SAMD3: variants seen among roughly 807,000 people sequenced by gnomAD.
SAMD3 encodes sterile alpha motif domain-containing protein 3.
A neutral mutation model predicts 58.5 loss-of-function variants in SAMD3; 63 were observed. The ratio of observed to expected loss-of-function variants is 1.08; its 90% confidence interval spans 0.88 to 1.33. SAMD3 has a LOEUF of 1.33. Among genes scored for constraint, SAMD3 ranks in the 40% most tolerant of loss-of-function variants. The probability of loss-of-function intolerance (pLI) is 0.00; values close to 1 mark genes in which losing one functional copy is unlikely to be tolerated. For missense variants in SAMD3, 604 were observed against 608.4 expected, an observed-to-expected ratio of 0.99 and a Z score of 0.08; for synonymous variants, 220 against 210.3, an observed-to-expected ratio of 1.05 and a Z score of -0.40.
intron 2 of SAMD3, among the ~76,000 whole-genome samples, chr6:130,232,787 A>G (rs927422786): frequency 1.3e-5 from 2 of 152,190 alleles, no homozygotes; most frequent in African/African-American, 4.8e-5. Context: ...CTCCTTTATT[A>G]TTTCTTTTAC....
intron 1 of SAMD3, among the ~76,000 whole-genome samples, chr6:130,313,379 A>G (rs1464931107): frequency 8.5e-5 from 13 of 152,142 alleles, no homozygotes; most frequent in Admixed American, 7.2e-4. Flanking sequence ...CGATCCATAC[A>G]CCAGGTGTGT....
intron 8 of SAMD3, chr6:130,162,132 G>A (rs190128840): frequency 6.8e-5 from 42 of 620,646 alleles, no homozygotes; most frequent in East Asian, 1.4e-4. Context: ...TATAAAGAGC[G>A]TATGCTATGC....
rs777618320 is a variant in SAMD3 at position 130,209,573 on chromosome 6, T to A, written c.305A>T (p.His102Leu). 1 of 1,613,876 alleles carries A rather than the reference T, an allele frequency of 6.2e-7. No individual in the cohort carries two copies. The highest frequency in any genetic ancestry group is 8.5e-7 in the Non-Finnish European group (1 of 1,179,742). The change falls in exon 5 of 12, where the codon CAT becomes CTT. Residue 102 changes from histidine to leucine, a missense_variant. By Grantham distance (99) the His-to-Leu change is moderately conservative. Transcript: ENST00000439090. ...RDEESSSPARHGEQMPSFYPA... is the reference protein window; with the variant it reads ...RDEESSSPARLGEQMPSFYPA... ...ATAGAAAGATGGCATCTGCTCCCCA[T>A]GCCTGGCTGGACTGGAGGACTCTTC...
intron 2 of SAMD3, among the ~76,000 whole-genome samples, chr6:130,289,968 GC>G (rs140741988): frequency 0.28 from 42,190 of 151,904 alleles, 6,280 homozygotes; most frequent in East Asian, 0.45. Flanking sequence ...ACGTACTAGA[GC>G]TTTGATTTGG....
At chr6:130,212,578 A>G (rs2114838275) in intron 4 of SAMD3, among the ~76,000 whole-genome samples, 1 of 152,368 alleles carries the variant, frequency 6.6e-6, no homozygotes, top group East Asian at 1.9e-4. Context: ...GTACCATATT[A>G]CTTTTCACAA....
intron 8 of SAMD3, among the ~76,000 whole-genome samples, chr6:130,168,022 G>A (rs1790877422): frequency 6.6e-6 from 1 of 152,166 alleles, no homozygotes; most frequent in African/African-American, 2.4e-5. Context: ...GAGCAAAAAT[G>A]GCAAAGAGAA....
At chr6:130,356,402 C>T (rs1777829220) in intron 1 of SAMD3, among the ~76,000 whole-genome samples, 1 of 152,210 alleles carries the variant, frequency 6.6e-6, no homozygotes, top group African/African-American at 2.4e-5. Flanking sequence ...TCAAATATTA[C>T]ATCCTAAAGA....
intron 2 of SAMD3, among the ~76,000 whole-genome samples, chr6:130,273,220 A>T (rs970045393): frequency 2.0e-5 from 3 of 152,072 alleles, no homozygotes; most frequent in African/African-American, 7.2e-5. Context: ...TATTATTGTT[A>T]TATCTTCCTG....
chr6:130,201,714 T>C (rs1390870284), intron 5 of SAMD3, among the ~76,000 whole-genome samples: 2 of 152,220 alleles, frequency 1.3e-5, no homozygotes, highest in East Asian at 1.9e-4. Flanking sequence ...GAATCCTCCA[T>C]GCTATTTCAG....
At chr6:130,234,287 C>G (rs1796623330) in intron 2 of SAMD3, among the ~76,000 whole-genome samples, 1 of 152,038 alleles carries the variant, frequency 6.6e-6, no homozygotes, top group African/African-American at 2.4e-5. Context: ...CGGTGTTTCA[C>G]TCTTGTTGCC....
intron 5 of SAMD3, among the ~76,000 whole-genome samples, chr6:130,193,167 A>G (rs1793712284): frequency 6.6e-6 from 1 of 152,034 alleles, no homozygotes. Context: ...CTTTAGCAGG[A>G]AGTCCCACTT....
chr6:130,283,852 A>AT, intron 2 of SAMD3, among the ~76,000 whole-genome samples: 1 of 152,144 alleles, frequency 6.6e-6, no homozygotes, highest in Middle Eastern at 3.4e-3. Flanking sequence ...TGTTATTATT[A>AT]TTTTTTTGAG....
In SAMD3 at chr6:130,144,821, A is replaced by C. The variant is rs1788469711; in HGVS notation, c.1279-17T>G. On this transcript the variant is annotated splice_polypyrimidine_tract_variant and intron_variant, in intron 11 of 11. Coordinates refer to ENST00000439090, the MANE Select transcript of SAMD3 (RefSeq NM_001017373.4). ...CACTTGCACCTGAAAAAAAGAGTGGAGTCATTACCATGATACGTAAAATAG... is the reference window on the plus strand; with the variant it reads ...CACTTGCACCTGAAAAAAAGAGTGGCGTCATTACCATGATACGTAAAATAG... The C allele has an allele frequency of 5.0e-6, 8 of 1,598,658 alleles. No homozygotes were observed. In the East Asian group the frequency reaches 1.3e-4, roughly 27 times the overall value.
intron 10 of SAMD3, among the ~76,000 whole-genome samples, 164 bp from the exon 11 acceptor site, chr6:130,145,586 T>G (rs117294085): frequency 6.6e-6 from 1 of 152,190 alleles, no homozygotes; most frequent in Non-Finnish European, 1.5e-5. Context: ...CCTCTTCTAA[T>G]AAAACATTCA....
Position 130,144,591 on chromosome 6 carries a change from T to C in SAMD3, c.1492A>G (p.Met498Val), listed in dbSNP as rs1788440960. ...AAAGAAGGAAAATAAGGACTGTGCA[T>C]ATCGAAAATCAGCGTTTCTAGGAAG... ...FNFLETLIFDMHSPYFPSLKE... is the reference protein window; with the variant it reads ...FNFLETLIFDVHSPYFPSLKE... Residue 498 changes from methionine (M) to valine (V), a missense_variant, in exon 12 of 12, where the codon ATG (methionine) becomes GTG (valine). Met to Val is a conservative substitution (Grantham distance 21). Coordinates refer to ENST00000439090, the MANE Select transcript of SAMD3 (RefSeq NM_001017373.4). 6.2e-7 allele frequency: 1 copy of C among 1,614,040 alleles called. No homozygotes were observed. Among genetic ancestry groups the C allele is most frequent in the African/African-American group, 1.3e-5 (1 of 74,944 alleles).
chr6:130,216,008 A>T, intron 2 of SAMD3: 1 of 457,210 alleles, frequency 2.2e-6, no homozygotes, highest in South Asian at 5.2e-5. Flanking sequence ...AAACTACCAC[A>T]CTGACTGAAA....
chr6:130,190,505 TA>T (rs751351584), intron 5 of SAMD3, among the ~76,000 whole-genome samples: 1 of 151,970 alleles, frequency 6.6e-6, no homozygotes, highest in Non-Finnish European at 1.5e-5. Context: ...AGAAATTGTT[TA>T]AAAGAAACAA....
chr6:130,231,995 A>T (rs1483179871), intron 2 of SAMD3, among the ~76,000 whole-genome samples: 1 of 152,156 alleles, frequency 6.6e-6, no homozygotes, highest in East Asian at 1.9e-4. Context: ...ATGATTGGGG[A>T]TACAAATTTT....
chr6:130,230,414 G>T (rs967228926), intron 2 of SAMD3, among the ~76,000 whole-genome samples: 5 of 151,990 alleles, frequency 3.3e-5, no homozygotes, highest in Non-Finnish European at 7.4e-5. Context: ...TTTAGACGGA[G>T]TCTTGCTCTG....
Sources: allele counts gnomAD v4.1 joint callset (sites outside exome capture counted in the v4.1 genomes callset), GRCh38; gene constraint gnomAD v4.1.1; transcripts MANE v1.5; gene names NCBI Gene and HGNC (gene_info 2026-07-23, HGNC 2026-07-21).